Variants in SOS2 observed in about 807,000 individuals in gnomAD.
The protein encoded by SOS2 is SOS Ras/Rho guanine nucleotide exchange factor 2, also known as son of sevenless homolog 2.
In SOS2, 65 loss-of-function variants were observed where a neutral mutation model predicts 148.2. That is an observed-to-expected ratio of 0.44 (90% CI 0.36 to 0.54). The LOEUF is 0.54. Among genes scored for constraint, SOS2 ranks in the 20% least tolerant of loss-of-function variants. The pLI is 0.00. For missense variants in SOS2, 1,341 were observed against 1,590.2 expected (o/e 0.84, Z 2.67); for synonymous variants, 539 against 537.1 (o/e 1.00, Z -0.05).
chr14:50,127,963 A>C (rs1883735915), intron 21 of SOS2, among the ~76,000 whole-genome samples: 1 of 152,212 alleles, frequency 6.6e-6, no homozygotes, highest in African/African-American at 2.4e-5. Context: ...TAAACTATTA[A>C]CAATTAAATG....
intron 21 of SOS2, 102 bp downstream of exon 21, chr14:50,129,859 C>A (rs996004909): frequency 2.1e-5 from 14 of 671,010 alleles, no homozygotes; most frequent in Admixed American, 8.6e-5. Flanking sequence ...TATAACTTTT[C>A]TTGTTCTTTA....
At chr14:50,125,819 C>A (rs143543191) in intron 21 of SOS2, among the ~76,000 whole-genome samples, 3 of 152,316 alleles carry the variant, frequency 2.0e-5, no homozygotes, top group South Asian at 2.1e-4. Flanking sequence ...CTGTAGGAGA[C>A]TGGCAGTTTT....
At chr14:50,186,245 T>C (rs1339113870) in intron 5 of SOS2, among the ~76,000 whole-genome samples, 1 of 152,310 alleles carries the variant, frequency 6.6e-6, no homozygotes, top group African/African-American at 2.4e-5. Flanking sequence ...CACTCTTCCA[T>C]CTGACCCTTT....
intron 8 of SOS2, 27 bp downstream of exon 8, chr14:50,174,427 C>T (rs763561856): frequency 2.3e-6 from 3 of 1,303,242 alleles, no homozygotes; most frequent in Non-Finnish European, 3.2e-6. Context: ...TAGATAAGTA[C>T]TTTGAGATTC....
chr14:50,169,780 T>C (rs987293588), intron 8 of SOS2, among the ~76,000 whole-genome samples: 26 of 152,104 alleles, frequency 1.7e-4, no homozygotes, highest in African/African-American at 3.9e-4. Flanking sequence ...TACATATATA[T>C]AGTTAACTCA....
chr14:50,159,944 G>T lies in SOS2; in HGVS notation c.1339C>A (p.Pro447Thr). The change falls in exon 10 of 23, where the codon CCA becomes ACA. Residue 447 changes from proline to threonine, a missense_variant. Pro to Thr is a conservative substitution (Grantham distance 38). Coordinates refer to ENST00000216373, the MANE Select transcript of SOS2 (RefSeq NM_006939.4). ...QCCNEFIMEGPLTRIGAKHER... is the reference protein window; with the variant it reads ...QCCNEFIMEGTLTRIGAKHER... ...TGTTTGGCACCGATTCTTGTCAATG[G>T]TCCCTCCATAATGAATTCATTACAA... is the stretch of plus-strand genomic sequence containing the variant. 3 of 1,614,086 alleles carry T rather than the reference G, an allele frequency of 1.9e-6. No homozygotes were observed. Among genetic ancestry groups the T allele is most frequent in the Non-Finnish European group, 2.5e-6 (3 of 1,180,008 alleles).
intron 7 of SOS2, among the ~76,000 whole-genome samples, chr14:50,178,671 C>CATATATAT (rs1170021476): frequency 4.2e-3 from 60 of 14,428 alleles, no homozygotes; most frequent in Non-Finnish European, 5.5e-3. Flanking sequence ...TGTGTGTGTG[C>CATATATAT]ATATATATAT....
At chr14:50,124,634 CA>C (rs929214540) in intron 21 of SOS2, among the ~76,000 whole-genome samples, 6 of 150,090 alleles carry the variant, frequency 4.0e-5, no homozygotes, top group African/African-American at 9.8e-5. Flanking sequence ...CGTACTAAAA[CA>C]AAAAAAAATA....
At chr14:50,182,161 GC>G (rs1413870792) in intron 6 of SOS2, among the ~76,000 whole-genome samples, 1 of 151,822 alleles carries the variant, frequency 6.6e-6, no homozygotes, top group Non-Finnish European at 1.5e-5. Flanking sequence ...TTTTATAATG[GC>G]CAGTGGTATC....
chr14:50,167,847 G>A (rs899202278), intron 8 of SOS2, among the ~76,000 whole-genome samples: 76 of 150,242 alleles, frequency 5.1e-4, no homozygotes, highest in African/African-American at 1.8e-3. Context: ...CAGCCTGGGC[G>A]ATACAGTGAG....
rs115399006 is a variant in SOS2 at position 50,153,440 on chromosome 14, T to G, written c.2058-267A>C. Among the ~76,000 whole-genome samples, 1,462 of 152,308 alleles carry G rather than the reference T, an allele frequency of 9.6e-3. 24 individuals are homozygous for G. The highest frequency in any genetic ancestry group is 0.034 in the African/African-American group (1,401 of 41,570). On this transcript the variant is annotated intron_variant, in intron 12 of 22. Coordinates refer to ENST00000216373, the MANE Select transcript of SOS2 (RefSeq NM_006939.4). Reference sequence around the variant, plus strand: ...TGGTTTCTGTGCTTCCCATTTATGTTAAGGAAAAGTACCCTTTATTCATAT... The same window carrying G: ...TGGTTTCTGTGCTTCCCATTTATGTGAAGGAAAAGTACCCTTTATTCATAT...
intron 6 of SOS2, among the ~76,000 whole-genome samples, chr14:50,181,467 A>G (rs1462553120): frequency 6.6e-6 from 1 of 151,974 alleles, no homozygotes; most frequent in African/African-American, 2.4e-5. Flanking sequence ...AATGATTAGA[A>G]TATCAAGGCA....
intron 4 of SOS2, among the ~76,000 whole-genome samples, chr14:50,190,083 C>A (rs2139742029): frequency 6.6e-6 from 1 of 151,948 alleles, no homozygotes; most frequent in African/African-American, 2.4e-5. Flanking sequence ...GAGCTTCTGA[C>A]TTCAAGTGAT....
chr14:50,207,992 T>C (rs536917993), intron 1 of SOS2, among the ~76,000 whole-genome samples: 185 of 152,016 alleles, frequency 1.2e-3, no homozygotes, highest in Middle Eastern at 3.4e-3. Flanking sequence ...TCAACATTCA[T>C]TCATGATAAA....
At chr14:50,182,159 T>C (rs1489739655) in intron 6 of SOS2, among the ~76,000 whole-genome samples, 2 of 152,164 alleles carry the variant, frequency 1.3e-5, no homozygotes, top group Non-Finnish European at 2.9e-5. Flanking sequence ...CTTTTTATAA[T>C]GGCCAGTGGT....
chr14:50,205,315 G>A lies in SOS2; in HGVS notation c.88-906C>T, dbSNP rs775854183. 1.1e-4 allele frequency among the ~76,000 whole-genome samples: 16 copies of A among 152,214 alleles called. 1 individual carries two copies. Among genetic ancestry groups the A allele is most frequent in the African/African-American group, 3.6e-4 (15 of 41,538 alleles). On this transcript the variant is annotated intron_variant, in intron 1 of 22. Coordinates refer to ENST00000216373, the MANE Select transcript of SOS2 (RefSeq NM_006939.4). ...GATCCTCCCACCTCAGCTTCCCAAAGTGCTGAGATTATAGCATGAGCCACT... is the reference window on the plus strand; with the variant it reads ...GATCCTCCCACCTCAGCTTCCCAAAATGCTGAGATTATAGCATGAGCCACT...
intron 1 of SOS2, among the ~76,000 whole-genome samples, chr14:50,213,164 G>A (rs1486991467): frequency 1.3e-5 from 2 of 152,148 alleles, no homozygotes; most frequent in East Asian, 1.9e-4. Flanking sequence ...CTGTAAAACA[G>A]GAATAAAGGT....
chr14:50,137,215 T>C (rs1594963697), intron 18 of SOS2, among the ~76,000 whole-genome samples: 1 of 152,332 alleles, frequency 6.6e-6, no homozygotes, highest in East Asian at 1.9e-4. Context: ...AGTACTATAG[T>C]ATCAATATTA....
At chr14:50,149,851 C>A (rs1884606606) in intron 14 of SOS2, among the ~76,000 whole-genome samples, 157 bp downstream of exon 14, 1 of 152,152 alleles carries the variant, frequency 6.6e-6, no homozygotes, top group African/African-American at 2.4e-5. Flanking sequence ...ACTTGCAGGG[C>A]AGACTAGTTA....
Sources: allele counts gnomAD v4.1 joint callset (sites outside exome capture counted in the v4.1 genomes callset), GRCh38; gene constraint gnomAD v4.1.1; transcripts MANE v1.5; gene names NCBI Gene and HGNC (gene_info 2026-07-23, HGNC 2026-07-21).